The following CGGBP1 variants were observed in gnomAD, a reference collection of about 807,000 sequenced individuals.
CGGBP1 encodes CGG triplet repeat-binding protein 1.
Under a neutral mutation model 11.4 loss-of-function variants are expected in CGGBP1, and 4 were observed. The observed-to-expected ratio is 0.35, with a 90% CI of 0.17 to 0.80. The LOEUF (loss-of-function observed/expected upper bound fraction) is 0.80, where lower values mean the gene tolerates loss of function less well. CGGBP1 is among the 30% of genes least tolerant of loss of function. The pLI, the probability that CGGBP1 is intolerant of heterozygous loss-of-function variation, is 0.52. For missense variants in CGGBP1, 135 were observed against 202.1 expected (o/e 0.67, Z 2.01); for synonymous variants, 76 against 74.1 (o/e 1.03, Z -0.13).
At chr3:88,089,333 T>C (rs1280049505) in intron 2 of CGGBP1, among the ~76,000 whole-genome samples, 1 of 149,834 alleles carries the variant, frequency 6.7e-6, no homozygotes, top group Non-Finnish European at 1.5e-5. Context: ...CTACTAAAAA[T>C]ACAAAAAATT....
chr3:88,102,989 C>G (rs969359741), intron 2 of CGGBP1, among the ~76,000 whole-genome samples: 4 of 152,018 alleles, frequency 2.6e-5, no homozygotes, highest in African/African-American at 9.7e-5. Flanking sequence ...CCCTCTGCCC[C>G]ACTAGTAGTC....
chr3:88,120,226 G>T (rs146877610), intron 2 of CGGBP1, among the ~76,000 whole-genome samples: 26 of 152,236 alleles, frequency 1.7e-4, no homozygotes, highest in Admixed American at 9.2e-4. Context: ...GAAGCAGAAT[G>T]AGGGCCTAAG....
chr3:88,058,387 T>TC (rs1706626604), intron 1 of CGGBP1, among the ~76,000 whole-genome samples, 164 bp from the exon 2 acceptor site: 1 of 151,968 alleles, frequency 6.6e-6, no homozygotes, highest in South Asian at 2.1e-4. Flanking sequence ...ACACTTCCCC[T>TC]CCCAGGTCCT....
chr3:88,130,788 A>G (rs1009833170), intron 2 of CGGBP1, among the ~76,000 whole-genome samples: 5 of 151,880 alleles, frequency 3.3e-5, no homozygotes, highest in Admixed American at 1.3e-4. Flanking sequence ...AAAATCTTCA[A>G]ACTCAGAGAT....
At chr3:88,070,410 G>A (rs182185977) in intron 2 of CGGBP1, among the ~76,000 whole-genome samples, 323 of 151,288 alleles carry the variant, frequency 2.1e-3, no homozygotes, top group Middle Eastern at 0.014. Flanking sequence ...GCATTTTCTT[G>A]GTGAGCAGAT....
At chr3:88,141,718 A>G in intron 1 of CGGBP1, 1 of 1,295,496 alleles carries the variant, frequency 7.7e-7, no homozygotes. Context: ...AAGAAAATGC[A>G]TCATCAGTTT....
rs9853359 is a variant in CGGBP1, at chr3:88,074,478, A to G, written c.-228-16255T>C. ...TGCCTCAGCCTCCCAAGTAGCTGGGATTACAGGCATCTGCCTCCATGCCTG... is the reference window on the plus strand; with the variant it reads ...TGCCTCAGCCTCCCAAGTAGCTGGGGTTACAGGCATCTGCCTCCATGCCTG... On this transcript the variant is annotated intron_variant, in intron 2 of 3. Transcript: ENST00000462901. Among the ~76,000 whole-genome samples, 1,315 of 151,510 alleles carry G rather than the reference A, an allele frequency of 8.7e-3. 18 individuals are homozygous for G. Among genetic ancestry groups the G allele is most frequent in the African/African-American group, 0.031 (1,263 of 41,308 alleles).
intron 2 of CGGBP1, among the ~76,000 whole-genome samples, chr3:88,138,225 A>AT (rs936808579): frequency 5.9e-5 from 9 of 152,066 alleles, no homozygotes; most frequent in African/African-American, 2.2e-4. Context: ...AATAAGTAAT[A>AT]TTTTTTCATA....
chr3:88,100,562 A>G (rs9832011), intron 2 of CGGBP1, among the ~76,000 whole-genome samples: 107,480 of 152,096 alleles, frequency 0.71, 41,699 homozygotes, highest in South Asian at 0.91. Context: ...AACCAACTCA[A>G]ATGTCCATCA....
chr3:88,111,007 T>C (rs1308062198), intron 2 of CGGBP1, among the ~76,000 whole-genome samples: 1 of 152,076 alleles, frequency 6.6e-6, no homozygotes, highest in African/African-American at 2.4e-5. Context: ...CTTTAGATAG[T>C]ACAGTCCAAA....
chr3:88,128,470 G>A (rs1706251573), intron 2 of CGGBP1, among the ~76,000 whole-genome samples: 1 of 151,818 alleles, frequency 6.6e-6, no homozygotes, highest in Non-Finnish European at 1.5e-5. Context: ...TGTAATCTTA[G>A]ACTAAAAAGA....
At chr3:88,069,985 C>T (rs1412926930) in intron 2 of CGGBP1, among the ~76,000 whole-genome samples, 2 of 152,044 alleles carry the variant, frequency 1.3e-5, no homozygotes, top group East Asian at 1.9e-4. Flanking sequence ...CTTTATCTGT[C>T]GTACTGTCAT....
At chr3:88,102,807 C>T (rs1191552155) in intron 2 of CGGBP1, among the ~76,000 whole-genome samples, 3 of 142,962 alleles carry the variant, frequency 2.1e-5, no homozygotes, top group East Asian at 4.2e-4. Context: ...TTTACCTCAA[C>T]CTCTACTGTC....
chr3:88,120,198 A>G (rs1705684078), intron 2 of CGGBP1, among the ~76,000 whole-genome samples: 1 of 152,202 alleles, frequency 6.6e-6, no homozygotes, highest in Non-Finnish European at 1.5e-5. Context: ...TTAAGTTGCA[A>G]CAGAGTTGAG....
intron 2 of CGGBP1, among the ~76,000 whole-genome samples, chr3:88,065,889 A>G (rs947272689): frequency 2.6e-5 from 4 of 152,106 alleles, no homozygotes; most frequent in Non-Finnish European, 5.9e-5. Context: ...GTGCACCACC[A>G]TGCCCGGCTA....
intron 2 of CGGBP1, among the ~76,000 whole-genome samples, chr3:88,072,233 C>A (rs138409269): frequency 6.6e-5 from 10 of 152,252 alleles, no homozygotes; most frequent in East Asian, 1.9e-4. Flanking sequence ...TGACCCTGAT[C>A]CAAACTATAG....
chr3:88,139,636 A>G, intron 2 of CGGBP1: 1 of 1,613,296 alleles, frequency 6.2e-7, no homozygotes, highest in Non-Finnish European at 8.5e-7. Context: ...GTCATCCCTG[A>G]GCATGTGGCT....
chr3:88,099,924 C>A (rs1459375176), intron 2 of CGGBP1, among the ~76,000 whole-genome samples: 2 of 152,152 alleles, frequency 1.3e-5, no homozygotes, highest in East Asian at 3.8e-4. Context: ...GCAAGGACTT[C>A]ATGACTAAAA....
intron 2 of CGGBP1, among the ~76,000 whole-genome samples, chr3:88,074,609 T>G (rs1320838185): frequency 2.6e-5 from 4 of 152,150 alleles, no homozygotes; most frequent in Non-Finnish European, 5.9e-5. Context: ...TCCAAAGTGC[T>G]GGATTATAAG....
Sources: allele counts gnomAD v4.1 joint callset (sites outside exome capture counted in the v4.1 genomes callset), GRCh38; gene constraint gnomAD v4.1.1; transcripts MANE v1.5; gene names NCBI Gene and HGNC (gene_info 2026-07-23, HGNC 2026-07-21).